The following ANKS1B variants were observed in gnomAD, a reference collection of about 807,000 sequenced individuals.
ANKS1B encodes ankyrin repeat and sterile alpha motif domain containing 1B.
A neutral mutation model predicts 148.3 loss-of-function variants in ANKS1B; 36 were observed. The ratio of observed to expected loss-of-function variants is 0.24; its 90% CI spans 0.19 to 0.32. The LOEUF is 0.32. Ranked by LOEUF, ANKS1B falls within the 10% of genes least tolerant of loss-of-function variation. The probability of loss-of-function intolerance (pLI) is 1.00; values close to 1 mark genes in which losing one functional copy is unlikely to be tolerated. For missense variants in ANKS1B, 1,157 were observed against 1,542.6 expected, an observed-to-expected ratio of 0.75 and a Z score of 4.19; for synonymous variants, 542 against 560.8, an observed-to-expected ratio of 0.97 and a Z score of 0.47.
At chr12:99,664,853 C>T (rs980195104) in intron 8 of ANKS1B, among the ~76,000 whole-genome samples, 2 of 152,198 alleles carry the variant, frequency 1.3e-5, no homozygotes, top group African/African-American at 2.4e-5. Context: ...TGCAAGGCTA[C>T]CCTGCACTAT....
intron 8 of ANKS1B, among the ~76,000 whole-genome samples, chr12:99,708,479 C>A (rs1428748889): frequency 6.6e-6 from 1 of 152,112 alleles, no homozygotes; most frequent in Non-Finnish European, 1.5e-5. Flanking sequence ...GTCAGTTTCA[C>A]TGGGCTAAAG....
chr12:98,834,622 T>C (rs1332031686), intron 17 of ANKS1B, among the ~76,000 whole-genome samples: 1 of 152,206 alleles, frequency 6.6e-6, no homozygotes, highest in Non-Finnish European at 1.5e-5. Context: ...TGTTAGCTTT[T>C]TGCATTTATA....
chr12:99,761,375 A>T lies in ANKS1B; in HGVS notation c.1128+11547T>A, dbSNP rs368003557. ...ATGAAGGAGGCTTTCTCCCTGGGAT[A>T]CAGGGTTGATTAAACATATACAAAC... On this transcript the variant is annotated intron_variant, in intron 8 of 26. Coordinates refer to ENST00000683438, the MANE Select transcript of ANKS1B (RefSeq NM_001352186.2). Among the ~76,000 whole-genome samples the T allele has an allele frequency of 3.3e-5, 5 of 152,158 alleles. No individual in the cohort carries two copies. The East Asian group carries it at 7.7e-4, about 23-fold the overall frequency.
chr12:99,951,468 C>G (rs1204851135), intron 1 of ANKS1B, among the ~76,000 whole-genome samples: 1 of 152,164 alleles, frequency 6.6e-6, no homozygotes, highest in Non-Finnish European at 1.5e-5. Flanking sequence ...CTAGAATCTA[C>G]CAGTCAGTCA....
chr12:99,280,631 T>C (rs1424671904), intron 12 of ANKS1B, among the ~76,000 whole-genome samples: 1 of 152,046 alleles, frequency 6.6e-6, no homozygotes, highest in Non-Finnish European at 1.5e-5. Flanking sequence ...CTAATATGGG[T>C]AGGGCAATCA....
chr12:99,507,185 A>G (rs749114771), intron 9 of ANKS1B, among the ~76,000 whole-genome samples: 1 of 151,970 alleles, frequency 6.6e-6, no homozygotes, highest in Non-Finnish European at 1.5e-5. Flanking sequence ...CTGAGATTAC[A>G]ACGATAAGAT....
intron 17 of ANKS1B, among the ~76,000 whole-genome samples, chr12:98,940,489 A>C (rs2099835003): frequency 6.6e-6 from 1 of 152,040 alleles, no homozygotes; most frequent in Non-Finnish European, 1.5e-5. Context: ...TTACTTCAGA[A>C]CCCTTCCCTG....
intron 4 of ANKS1B, among the ~76,000 whole-genome samples, chr12:99,796,460 C>T (rs1482645639): frequency 6.6e-6 from 1 of 151,834 alleles, no homozygotes; most frequent in Admixed American, 6.6e-5. Flanking sequence ...ATAATCTCCA[C>T]CATAAATAAA....
intron 1 of ANKS1B, among the ~76,000 whole-genome samples, chr12:99,872,791 T>TTATA (rs1413762384): frequency 5.9e-5 from 9 of 152,270 alleles, no homozygotes; most frequent in Middle Eastern, 3.4e-3. Flanking sequence ...ATAATCTATA[T>TTATA]GTTAGGTTTA....
intron 17 of ANKS1B, among the ~76,000 whole-genome samples, chr12:98,843,080 G>C (rs567899055): frequency 6.6e-6 from 1 of 152,320 alleles, no homozygotes; most frequent in East Asian, 1.9e-4. Flanking sequence ...TCAAGAACCA[G>C]AGAATAAGGT....
chr12:99,022,069 C>A (rs1229719528), intron 17 of ANKS1B, among the ~76,000 whole-genome samples: 2 of 152,136 alleles, frequency 1.3e-5, no homozygotes, highest in Admixed American at 6.6e-5. Context: ...TCTACCTAGA[C>A]AACATGGGAG....
intron 10 of ANKS1B, among the ~76,000 whole-genome samples, chr12:99,462,246 G>A (rs1225671888): frequency 1.3e-5 from 2 of 152,208 alleles, no homozygotes; most frequent in Non-Finnish European, 2.9e-5. Flanking sequence ...TGCCTCAACT[G>A]AAGAGAATGG....
Position 99,499,719 on chromosome 12 carries a change from G to A in ANKS1B, c.1438+4757C>T, listed in dbSNP as rs188237983. On this transcript the variant is annotated intron_variant, in intron 10 of 26. Transcript: ENST00000683438. ...TCCAGACCCCAGTTAAGCTTCCCCC[G>A]TTGACACCACATGGAACAGAGACAA... is the stretch of plus-strand genomic sequence containing the variant. Among the ~76,000 whole-genome samples the A allele has an allele frequency of 1.1e-3, 161 of 152,088 alleles. 1 individual carries two copies. Among genetic ancestry groups the A allele is most frequent in the African/African-American group, 3.5e-3 (144 of 41,488 alleles).
chr12:99,452,988 C>T (rs1187663311), intron 10 of ANKS1B, among the ~76,000 whole-genome samples: 2 of 152,140 alleles, frequency 1.3e-5, no homozygotes, highest in Non-Finnish European at 2.9e-5. Context: ...CGTTGAATTG[C>T]TTCTAACAAA....
chr12:98,745,316 A>G lies in ANKS1B; in HGVS notation c.*423T>C, dbSNP rs889463770. 1 of 982,826 alleles carries G rather than the reference A, an allele frequency of 1.0e-6. No individual in the cohort carries two copies. Among genetic ancestry groups the G allele is most frequent in the Non-Finnish European group, 1.2e-6 (1 of 830,414 alleles). 60.9% of individuals were successfully genotyped at this position (982,826 alleles called of 1,614,324 possible). A position where few individuals can be genotyped will look rare whatever the true frequency, so the allele number is the denominator to read the frequency against. ...GGAGGGGTAGTGCTGCTCTGATTTC[A>G]CCTTTAAAACTGCTGACAGTGAAAG... On this transcript the variant is annotated 3_prime_UTR_variant, in exon 27 of 27. Coordinates refer to ENST00000683438, the MANE Select transcript of ANKS1B (RefSeq NM_001352186.2).
rs182628009 is a variant in ANKS1B, at chr12:99,870,090, G to A, written c.135-44701C>T. Among the ~76,000 whole-genome samples the A allele has an allele frequency of 3.4e-3, 511 of 152,134 alleles. 7 individuals carry two copies. Among genetic ancestry groups the A allele is most frequent in the Non-Finnish European group, 1.6e-3 (107 of 67,988 alleles). On this transcript the variant is annotated intron_variant, in intron 1 of 26. Transcript: ENST00000683438. ...TCGATAGTTTTTCAACTCTTGCTCC[G>A]CCGTCACTCCCCTTTCTAGTAGTCC... is the stretch of plus-strand genomic sequence containing the variant.
chr12:98,851,902 T>C (rs1201704802), intron 17 of ANKS1B, among the ~76,000 whole-genome samples: 1 of 151,804 alleles, frequency 6.6e-6, no homozygotes, highest in Non-Finnish European at 1.5e-5. Context: ...TGCACGCCTG[T>C]AGTCCCACCT....
At chr12:99,091,699 T>C (rs779794119) in intron 15 of ANKS1B, among the ~76,000 whole-genome samples, 4 of 152,354 alleles carry the variant, frequency 2.6e-5, no homozygotes, top group East Asian at 1.9e-4. Flanking sequence ...TTCACACTGA[T>C]AGCAGTTGGT....
At position 99,894,974 on chromosome 12, in the gene ANKS1B, A is replaced by G. The variant is rs993748621; in HGVS notation, c.135-69585T>C. ...TGAATTATGATGTTTTCAGTTTACA[A>G]TGGGTTTATCAGGACATAATCCCAT... On this transcript the variant is annotated intron_variant, in intron 1 of 26. Transcript: ENST00000683438. Among the ~76,000 whole-genome samples, 7 of 150,848 alleles carry G rather than the reference A, an allele frequency of 4.6e-5. 1 individual carries two copies. Among genetic ancestry groups the G allele is most frequent in the African/African-American group, 9.7e-5 (4 of 41,300 alleles).
Sources: allele counts gnomAD v4.1 joint callset (sites outside exome capture counted in the v4.1 genomes callset), GRCh38; gene constraint gnomAD v4.1.1; transcripts MANE v1.5; gene names NCBI Gene and HGNC (gene_info 2026-07-23, HGNC 2026-07-21).